The following RAI1 variants were observed in gnomAD, a reference collection of about 807,000 sequenced individuals.
RAI1 encodes retinoic acid-induced protein 1.
Under a neutral mutation model 123.8 loss-of-function variants are expected in RAI1, and 9 were observed. The ratio of observed to expected loss-of-function variants is 0.07; its 90% CI spans 0.04 to 0.13. The LOEUF is 0.13. Among genes scored for constraint, RAI1 ranks in the 10% least tolerant of loss-of-function variants. The pLI is 1.00. For synonymous variants in RAI1, 1,231 were observed against 1,127.3 expected, an observed-to-expected ratio of 1.09 and a Z score of -1.84; for missense variants, 2,256 against 2,545.8, an observed-to-expected ratio of 0.89 and a Z score of 2.45.
chr17:17,782,557 C>T (rs2031629149), intron 2 of RAI1, among the ~76,000 whole-genome samples: 1 of 141,454 alleles, frequency 7.1e-6, no homozygotes, highest in Non-Finnish European at 1.5e-5. Context: ...CCTTGCGCGG[C>T]TGGAGGGAAG....
In RAI1 at chr17:17,793,158, A is replaced by G. The variant is rs1567913336; in HGVS notation, c.210A>G (p.Ala70=). ...GCGCTGGCACGCCCTCTGGCACTGC[A>G]GCCGCGGTGGCCGCCGACAAGTACC... The part of the protein sequence containing the change: ...EGGAGTPSGT[A]AAVAADKYHR... Residue 70 remains alanine, a synonymous_variant, in exon 3 of 6, where the codon GCA becomes GCG. Coordinates refer to ENST00000353383, the MANE Select transcript of RAI1 (RefSeq NM_030665.4). 4 of 1,613,270 alleles carry G rather than the reference A, an allele frequency of 2.5e-6. No homozygotes were observed. The highest frequency in any genetic ancestry group is 1.1e-5 in the South Asian group (1 of 91,058).
intron 1 of RAI1, among the ~76,000 whole-genome samples, chr17:17,713,700 G>T (rs1317119586): frequency 6.6e-6 from 1 of 152,174 alleles, no homozygotes; most frequent in Non-Finnish European, 1.5e-5. Flanking sequence ...CACAGTAATT[G>T]TCATAGGGTG....
chr17:17,771,123 A>G (rs2031140687), intron 2 of RAI1, among the ~76,000 whole-genome samples: 1 of 152,188 alleles, frequency 6.6e-6, no homozygotes, highest in Non-Finnish European at 1.5e-5. Context: ...TGGCCTTGGC[A>G]GGGCCATGCC....
chr17:17,708,170 T>A (rs1299533908), intron 1 of RAI1, among the ~76,000 whole-genome samples: 2 of 152,174 alleles, frequency 1.3e-5, no homozygotes, highest in South Asian at 4.1e-4. Flanking sequence ...TGCCACCCTC[T>A]GATGGTGCTT....
At chr17:17,693,574 G>A (rs543207927) in intron 1 of RAI1, among the ~76,000 whole-genome samples, 1 of 152,380 alleles carries the variant, frequency 6.6e-6, no homozygotes, top group South Asian at 2.1e-4. Context: ...GATTCAAGGA[G>A]TGATGGGGTT....
At chr17:17,805,656 CTG>C (rs1048790783) in intron 4 of RAI1, among the ~76,000 whole-genome samples, 1 of 152,218 alleles carries the variant, frequency 6.6e-6, no homozygotes, top group Non-Finnish European at 1.5e-5. Context: ...ACAGAGGACT[CTG>C]AGTGCTGACA....
intron 1 of RAI1, among the ~76,000 whole-genome samples, chr17:17,696,977 A>G (rs1915058692): frequency 6.6e-6 from 1 of 152,062 alleles, no homozygotes; most frequent in Non-Finnish European, 1.5e-5. Flanking sequence ...CCTCTTCTCT[A>G]GCCTCTCTCT....
At chr17:17,683,255 G>A (rs1019693012) in intron 1 of RAI1, among the ~76,000 whole-genome samples, 2 of 152,036 alleles carry the variant, frequency 1.3e-5, no homozygotes, top group Non-Finnish European at 2.9e-5. Flanking sequence ...GAGGAGAGGC[G>A]GGGGTGGGTT....
chr17:17,796,233 C>T lies in RAI1; in HGVS notation c.3285C>T (p.Gly1095=). The T allele has an allele frequency of 3.8e-6, 6 of 1,569,034 alleles. No homozygotes were observed. Among genetic ancestry groups the T allele is most frequent in the Non-Finnish European group, 5.2e-6 (6 of 1,156,660 alleles). ...AGCAGCGAGCCGCCTTCAAGTCGGG[C>T]AAGCGGGTGGGGAAGCCCTCACCCA... ...GGKQRAAFKS[G]KRVGKPSPKA... is the part of the protein sequence containing the mutation. The change falls in exon 3 of 6, where the codon GGC becomes GGT. Residue 1095 remains glycine, a synonymous_variant. Coordinates refer to ENST00000353383, the MANE Select transcript of RAI1 (RefSeq NM_030665.4). The surrounding 1 kb of genome is among the most constrained non-coding windows in gnomAD (Gnocchi z 5.8).
Position 17,809,839 on chromosome 17 carries a change from G to C in RAI1, c.5710-131G>C, listed in dbSNP as rs1305942508. 7.6e-7 allele frequency: 1 copy of C among 1,311,860 alleles called. No homozygotes were observed. Among genetic ancestry groups the C allele is most frequent in the Non-Finnish European group, 1.1e-6 (1 of 940,166 alleles). 81.3% of individuals were successfully genotyped at this position (1,311,860 alleles called of 1,614,324 possible). ...AGAAGGGGTGGTGCCGACGGCCTCG[G>C]GCGGAGACCCCAGCCGCGCTCTGGG... is the stretch of plus-strand genomic sequence containing the variant. On this transcript the variant is annotated intron_variant, in intron 5 of 5. Transcript: ENST00000353383. This position sits in a 1 kb window ranked among gnomAD's most constrained non-coding sequence, Gnocchi z 4.9.
At position 17,796,002 on chromosome 17, in the gene RAI1, A is replaced by G. The variant is rs1598091107; in HGVS notation, c.3054A>G (p.Pro1018=). Residue 1018 remains proline, a synonymous_variant, in exon 3 of 6, where the codon CCA becomes CCG. Coordinates refer to ENST00000353383, the MANE Select transcript of RAI1 (RefSeq NM_030665.4). This position sits in a 1 kb window ranked among gnomAD's most constrained non-coding sequence, Gnocchi z 5.8. The part of the protein sequence containing the change: ...PEAEDSPCRA[P]VLPKDLLLPE... ...CCGAGGACTCCCCATGCAGGGCACC[A>G]GTGCTGCCCAAAGACCTCTTGCTCC... is the stretch of plus-strand genomic sequence containing the variant. The G allele has an allele frequency of 6.3e-7, 1 of 1,597,418 alleles. No homozygotes were observed. Among genetic ancestry groups the G allele is most frequent in the East Asian group, 2.3e-5 (1 of 44,252 alleles).
At chr17:17,808,528 A>G (rs559387617) in intron 4 of RAI1, among the ~76,000 whole-genome samples, 16 of 151,060 alleles carry the variant, frequency 1.1e-4, no homozygotes, top group Non-Finnish European at 2.4e-4. Flanking sequence ...GCTCACTGCA[A>G]CCTCCGCCTC....
At chr17:17,798,884 G>A (rs1367620700) in intron 3 of RAI1, among the ~76,000 whole-genome samples, 2 of 152,212 alleles carry the variant, frequency 1.3e-5, no homozygotes, top group African/African-American at 4.8e-5. Flanking sequence ...TCCCAAGATT[G>A]AACATCAGGG....
At chr17:17,758,997 C>G (rs2030569620) in intron 2 of RAI1, among the ~76,000 whole-genome samples, 1 of 152,132 alleles carries the variant, frequency 6.6e-6, no homozygotes, top group Non-Finnish European at 1.5e-5. Flanking sequence ...CTTAGAGGTT[C>G]TGGTCGCCAT....
intron 2 of RAI1, among the ~76,000 whole-genome samples, chr17:17,758,520 G>A (rs999267772): frequency 6.6e-6 from 1 of 152,208 alleles, no homozygotes. Flanking sequence ...AAAAGGCTTC[G>A]TAAACTGGAA....
At chr17:17,730,325 G>A (rs1916227939) in intron 2 of RAI1, among the ~76,000 whole-genome samples, 1 of 152,260 alleles carries the variant, frequency 6.6e-6, no homozygotes, top group African/African-American at 2.4e-5. Flanking sequence ...GTGATCAGAA[G>A]ATGAACTCAT....
intron 2 of RAI1, among the ~76,000 whole-genome samples, chr17:17,726,275 C>T (rs1458754874): frequency 6.6e-6 from 1 of 152,214 alleles, no homozygotes; most frequent in Non-Finnish European, 1.5e-5. Flanking sequence ...CTGAGCAAGG[C>T]TTTGCCCTGC....
chr17:17,772,267 T>C (rs999443871), intron 2 of RAI1, among the ~76,000 whole-genome samples: 2 of 152,178 alleles, frequency 1.3e-5, no homozygotes, highest in Non-Finnish European at 2.9e-5. Context: ...GCTCTGTTCC[T>C]GACATTTCTA....
intron 2 of RAI1, among the ~76,000 whole-genome samples, chr17:17,784,407 C>T (rs1373365365): frequency 6.6e-6 from 1 of 152,240 alleles, no homozygotes; most frequent in Non-Finnish European, 1.5e-5. Flanking sequence ...CCTTGTTCCC[C>T]TTTCTGTTTG....
Sources: allele counts gnomAD v4.1 joint callset (sites outside exome capture counted in the v4.1 genomes callset), GRCh38; gene constraint gnomAD v4.1.1; non-coding constraint Gnocchi (gnomAD v3.1); transcripts MANE v1.5; gene names NCBI Gene and HGNC (gene_info 2026-07-23, HGNC 2026-07-21).